LRRIQ4: variants seen among roughly 807,000 people sequenced by gnomAD.
The protein encoded by LRRIQ4 is leucine rich repeats and IQ motif containing 4.
LRRIQ4 carries 21 observed loss-of-function variants against 40.1 expected under a neutral mutation model. The observed-to-expected ratio is 0.52, with a 90% confidence interval of 0.37 to 0.75. LRRIQ4 has a LOEUF of 0.75. Ranked by LOEUF, LRRIQ4 falls within the 30% of genes least tolerant of loss-of-function variation. LRRIQ4 has a pLI of 0.00. For synonymous variants in LRRIQ4, 277 were observed against 277.1 expected, an observed-to-expected ratio of 1.00 and a Z score of 0.00; for missense variants, 655 against 660.0, an observed-to-expected ratio of 0.99 and a Z score of 0.08.
At chr3:169,819,973 T>C (rs565815026) in intron 1 of LRRIQ4, among the ~76,000 whole-genome samples, 6 of 152,200 alleles carry the variant, frequency 3.9e-5, no homozygotes, top group Non-Finnish European at 8.8e-5. Flanking sequence ...TGTTAAATCT[T>C]TCCTTTTCTT....
rs1576764023 is a variant in LRRIQ4 at position 169,823,913 on chromosome 3, G to A, written c.1020+972G>A. On this transcript the variant is annotated intron_variant, in intron 2 of 5. Coordinates refer to ENST00000340806, the MANE Select transcript of LRRIQ4 (RefSeq NM_001080460.3). ...ATAAACTTCAATATATTCATAAAAC[G>A]AAGTTATATAGTAATTTAAGTGAAC... 2.0e-5 allele frequency among the ~76,000 whole-genome samples: 3 copies of A among 152,224 alleles called. No individual in the cohort carries two copies. In the South Asian group the frequency reaches 6.2e-4, roughly 32 times the overall value.
chr3:169,813,037 G>T lies in LRRIQ4; in HGVS notation c.-41G>T. The T allele has an allele frequency of 6.4e-6, 1 of 155,322 alleles. No individual in the cohort carries two copies. 9.6% of individuals were successfully genotyped at this position (155,322 alleles called of 1,614,324 possible). A position where few individuals can be genotyped will look rare whatever the true frequency, so the allele number is the denominator to read the frequency against. Reference sequence around the variant, plus strand: ...GGACAGAATGCTTGGTGCGTTCTGGGCATGCGCAGGTACTTGAATGTACTC... The same window carrying T: ...GGACAGAATGCTTGGTGCGTTCTGGTCATGCGCAGGTACTTGAATGTACTC... On this transcript the variant is annotated 5_prime_UTR_variant, in exon 1 of 6. Coordinates refer to ENST00000340806, the MANE Select transcript of LRRIQ4 (RefSeq NM_001080460.3).
chr3:169,816,179 G>A (rs1234974790), intron 1 of LRRIQ4, among the ~76,000 whole-genome samples: 4 of 152,128 alleles, frequency 2.6e-5, no homozygotes, highest in African/African-American at 9.7e-5. Flanking sequence ...CTCATAGAAC[G>A]AATTTGGAAG....
chr3:169,814,637 C>A (rs541931199), intron 1 of LRRIQ4, among the ~76,000 whole-genome samples: 1 of 152,192 alleles, frequency 6.6e-6, no homozygotes, highest in Non-Finnish European at 1.5e-5. Context: ...AGGCGCCCCC[C>A]ACTACGCCCA....
intron 1 of LRRIQ4, among the ~76,000 whole-genome samples, chr3:169,814,716 C>T (rs1779728399): frequency 6.6e-6 from 1 of 152,136 alleles, no homozygotes; most frequent in South Asian, 2.1e-4. Context: ...AACTCCTGAC[C>T]TCAAGTGATC....
chr3:169,819,054 C>T (rs1031799076), intron 1 of LRRIQ4, among the ~76,000 whole-genome samples: 1 of 152,106 alleles, frequency 6.6e-6, no homozygotes, highest in Non-Finnish European at 1.5e-5. Flanking sequence ...TTGGCTCCTT[C>T]AAATGAAGAT....
rs1779690463 is a variant in LRRIQ4 at position 169,813,717 on chromosome 3, G to A, written c.-32+671G>A. ...ACGGGGTCTTTGAGCCCCTGTGCTC[G>A]GCCCACTCCCACACTGTGGAGTATA... On this transcript the variant is annotated intron_variant, in intron 1 of 5. Transcript: ENST00000340806. Among the ~76,000 whole-genome samples the A allele has an allele frequency of 3.3e-5, 5 of 152,234 alleles. No individual in the cohort carries two copies. In the South Asian group the frequency reaches 1.0e-3, roughly 32 times the overall value.
chr3:169,824,029 A>G (rs1388653285), intron 2 of LRRIQ4, among the ~76,000 whole-genome samples: 1 of 152,244 alleles, frequency 6.6e-6, no homozygotes, highest in Non-Finnish European at 1.5e-5. Flanking sequence ...GCAGAACCTT[A>G]TGATACCATT....
chr3:169,825,497 C>T (rs953063650), intron 2 of LRRIQ4, among the ~76,000 whole-genome samples: 4 of 152,150 alleles, frequency 2.6e-5, no homozygotes, highest in Admixed American at 6.5e-5. Context: ...CGTGAGAGCC[C>T]GGCCCTGAAC....
chr3:169,831,010 A>G (rs1241310889), intron 4 of LRRIQ4, among the ~76,000 whole-genome samples: 1 of 152,168 alleles, frequency 6.6e-6, no homozygotes, highest in Non-Finnish European at 1.5e-5. Flanking sequence ...AGTAAAAGAA[A>G]AAGTATTGGC....
chr3:169,837,119 C>A (rs553471834), intron 5 of LRRIQ4, among the ~76,000 whole-genome samples: 1 of 152,260 alleles, frequency 6.6e-6, no homozygotes, highest in Admixed American at 6.5e-5. Flanking sequence ...ATCCCCTCAC[C>A]ATGTGCGGTC....
chr3:169,813,565 C>T (rs1779684784), intron 1 of LRRIQ4, among the ~76,000 whole-genome samples: 1 of 152,132 alleles, frequency 6.6e-6, no homozygotes, highest in Admixed American at 6.5e-5. Context: ...CAGGAAATAT[C>T]CTCTCCATAG....
chr3:169,836,461 C>T (rs1212362107), intron 5 of LRRIQ4, among the ~76,000 whole-genome samples: 3 of 150,960 alleles, frequency 2.0e-5, no homozygotes, highest in Non-Finnish European at 4.4e-5. Context: ...GCTGACTTCT[C>T]CCTGTGTCTT....
rs747755380 is a variant in LRRIQ4 at position 169,822,716 on chromosome 3, C to T, written c.795C>T (p.Ser265=). 2 of 1,613,854 alleles carry T rather than the reference C, an allele frequency of 1.2e-6. No homozygotes were observed. The highest frequency in any genetic ancestry group is 1.7e-6 in the Non-Finnish European group (2 of 1,179,844). The change falls in exon 2 of 6, where the codon AGC becomes AGT. Residue 265 remains serine, a synonymous_variant. Transcript: ENST00000340806. ...ELRKMTEIGL[S]GNRLEKVPRL... ...GGAAGATGACGGAAATCGGGCTGAGCGGGAACCGCCTGGAGAAGGTGCCAC... is the reference window on the plus strand; with the variant it reads ...GGAAGATGACGGAAATCGGGCTGAGTGGGAACCGCCTGGAGAAGGTGCCAC...
At chr3:169,837,394 C>T in intron 5 of LRRIQ4, 85 bp from the exon 6 acceptor site, 1 of 1,402,624 alleles carries the variant, frequency 7.1e-7, no homozygotes, top group South Asian at 1.4e-5. Flanking sequence ...GTCTTCAAGA[C>T]CATGTATCAG....
chr3:169,823,551 T>C (rs1015187984), intron 2 of LRRIQ4, among the ~76,000 whole-genome samples: 1 of 152,190 alleles, frequency 6.6e-6, no homozygotes, highest in Non-Finnish European at 1.5e-5. Flanking sequence ...TTTCACGGTG[T>C]TGTCCAGGCT....
rs369861487 is a variant in LRRIQ4 at position 169,822,279 on chromosome 3, C to T, written c.358C>T (p.Leu120=). 1.9e-6 allele frequency: 3 copies of T among 1,612,930 alleles called. No individual in the cohort carries two copies. The African/African-American group carries it at 4.0e-5, about 22-fold the overall frequency. ...TGTCGTTGTCAGCTTCCTCCACGCC[C>T]TGCGCGAGCTCCGGCTCTACCAGAC... ...SLVVVSFLHA[L]RELRLYQTDL... is the part of the protein sequence containing the mutation. Residue 120 remains leucine, a synonymous_variant, in exon 2 of 6, where the codon CTG becomes TTG. Coordinates refer to ENST00000340806, the MANE Select transcript of LRRIQ4 (RefSeq NM_001080460.3).
chr3:169,821,959 A>C lies in LRRIQ4; in HGVS notation c.38A>C (p.Lys13Thr). 20 of 1,504,968 alleles carry C rather than the reference A, an allele frequency of 1.3e-5. No homozygotes were observed. Among genetic ancestry groups the C allele is most frequent in the Non-Finnish European group, 1.8e-5 (20 of 1,131,086 alleles). 93.2% of individuals were successfully genotyped at this position (1,504,968 alleles called of 1,614,324 possible). ...KDIKSVEHSP[K>T]IHQRNDPQHV... Reference sequence around the variant, plus strand: ...ATAAAATCAGTAGAACATTCACCTAAAATTCATCAGAGAAATGATCCACAG... The same window carrying C: ...ATAAAATCAGTAGAACATTCACCTACAATTCATCAGAGAAATGATCCACAG... Residue 13 changes from lysine to threonine, a missense_variant, in exon 2 of 6, where the codon AAA becomes ACA. By Grantham distance (78) the Lys-to-Thr change is moderately conservative (BLOSUM62 -1). Coordinates refer to ENST00000340806, the MANE Select transcript of LRRIQ4 (RefSeq NM_001080460.3).
At chr3:169,836,575 T>C (rs1358210645) in intron 5 of LRRIQ4, among the ~76,000 whole-genome samples, 1 of 152,224 alleles carries the variant, frequency 6.6e-6, no homozygotes, top group Non-Finnish European at 1.5e-5. Flanking sequence ...ATGAGGACCC[T>C]GCTGTTATGA....
Sources: allele counts gnomAD v4.1 joint callset (sites outside exome capture counted in the v4.1 genomes callset), GRCh38; gene constraint gnomAD v4.1.1; transcripts MANE v1.5; gene names NCBI Gene and HGNC (gene_info 2026-07-23, HGNC 2026-07-21).